The following STAM2 variants were observed in gnomAD, a reference collection of about 807,000 sequenced individuals.
STAM2 encodes signal transducing adaptor molecule 2.
A neutral mutation model predicts 65.6 loss-of-function variants in STAM2; 51 were observed. The observed-to-expected ratio is 0.78, with a 90% CI of 0.62 to 0.98. The LOEUF (loss-of-function observed/expected upper bound fraction) is 0.98, where lower values mean the gene tolerates loss of function less well. STAM2 is among the 50% of genes least tolerant of loss of function. The probability of loss-of-function intolerance (pLI) is 0.00; values close to 1 mark genes in which losing one functional copy is unlikely to be tolerated. For missense variants in STAM2, 584 were observed against 617.8 expected (o/e 0.95, Z 0.58); for synonymous variants, 198 against 208.4 (o/e 0.95, Z 0.43).
In STAM2 at chr2:152,165,075, T is replaced by C. The variant is rs137955843; in HGVS notation, c.40+10528A>G. ...AGCATACATGTTATAATTTCCATTG[T>C]AATAGGCCTATTAGGAAGCATAATG... is the stretch of plus-strand genomic sequence containing the variant. On this transcript the variant is annotated intron_variant, in intron 1 of 13. Coordinates refer to ENST00000263904, the MANE Select transcript of STAM2 (RefSeq NM_005843.6). Among the ~76,000 whole-genome samples the C allele has an allele frequency of 1.3e-4, 20 of 152,254 alleles. No homozygotes were observed. The South Asian group carries it at 2.7e-3, about 21-fold the overall frequency.
intron 7 of STAM2, among the ~76,000 whole-genome samples, chr2:152,143,098 C>A (rs769747320): frequency 1.6e-4 from 25 of 152,158 alleles, no homozygotes; most frequent in Non-Finnish European, 3.5e-4. Flanking sequence ...ACTGTGTCCT[C>A]ATTTGTTATT....
chr2:152,141,975 C>T (rs1689257347), intron 7 of STAM2, among the ~76,000 whole-genome samples: 1 of 152,150 alleles, frequency 6.6e-6, no homozygotes, highest in South Asian at 2.1e-4. Context: ...TTTTATGCTT[C>T]AAATTCCACA....
At position 152,147,172 on chromosome 2, in the gene STAM2, G is replaced by A; in HGVS notation, c.437C>T (p.Ala146Val). 6.2e-7 allele frequency: 1 copy of A among 1,607,264 alleles called. No homozygotes were observed. The highest frequency in any genetic ancestry group is 8.5e-7 in the Non-Finnish European group (1 of 1,177,848). ...GAATAAATCTCTCACCTGAGAACCT[G>A]CTGGAGGAAAAGTAATTCCTTCTTC... Reference protein sequence around the residue: ...MKEEGITFPPAGSQTVSAAAK... With the variant: ...MKEEGITFPPVGSQTVSAAAK... The change falls in exon 5 of 14, where the codon GCA (alanine) becomes GTA (valine). Residue 146 changes from alanine (A) to valine (V), a missense_variant. By Grantham distance (64) the Ala-to-Val change is moderately conservative. Transcript: ENST00000263904.
intron 1 of STAM2, among the ~76,000 whole-genome samples, chr2:152,171,162 G>A (rs1202261542): frequency 1.3e-5 from 2 of 152,136 alleles, no homozygotes; most frequent in Non-Finnish European, 2.9e-5. Flanking sequence ...GGAGAAAGGA[G>A]GAAGAATGGG....
chr2:152,145,030 T>C (rs1247715273), intron 5 of STAM2, 73 bp from the exon 6 acceptor site: 5 of 1,187,640 alleles, frequency 4.2e-6, no homozygotes, highest in African/African-American at 3.0e-5. Context: ...TACTTGCAGA[T>C]GGTAAATTTT....
At chr2:152,149,789 C>A (rs1419534592) in intron 2 of STAM2, among the ~76,000 whole-genome samples, 2 of 152,136 alleles carry the variant, frequency 1.3e-5, no homozygotes, top group Non-Finnish European at 2.9e-5. Context: ...TGAGCCACTG[C>A]GCCCAGCCAA....
intron 13 of STAM2, among the ~76,000 whole-genome samples, chr2:152,122,540 C>T (rs1285303380): frequency 6.6e-6 from 1 of 151,968 alleles, no homozygotes; most frequent in Non-Finnish European, 1.5e-5. Flanking sequence ...CCTAGTGTTA[C>T]CAAACATAGC....
chr2:152,172,568 T>TCAGAGAA (rs1229516953), intron 1 of STAM2, among the ~76,000 whole-genome samples: 2 of 152,036 alleles, frequency 1.3e-5, no homozygotes, highest in Non-Finnish European at 2.9e-5. Flanking sequence ...GAAAGTGCTA[T>TCAGAGAA]CAGAGAAGGG....
chr2:152,169,380 C>T (rs1434227807), intron 1 of STAM2, among the ~76,000 whole-genome samples: 1 of 152,098 alleles, frequency 6.6e-6, no homozygotes, highest in Non-Finnish European at 1.5e-5. Flanking sequence ...TAGCTCAAGC[C>T]ATCCTCCCAC....
intron 8 of STAM2, among the ~76,000 whole-genome samples, chr2:152,134,590 T>C (rs1398925042): frequency 4.6e-5 from 7 of 152,200 alleles, no homozygotes; most frequent in Non-Finnish European, 1.0e-4. Context: ...GGACTAGCAC[T>C]GATATATCCC....
intron 2 of STAM2, among the ~76,000 whole-genome samples, chr2:152,149,751 G>A (rs1275285418): frequency 2.0e-5 from 3 of 152,128 alleles, no homozygotes; most frequent in Non-Finnish European, 4.4e-5. Flanking sequence ...GCTCGCCTCG[G>A]CCTCTCAAAG....
In STAM2 at chr2:152,131,848, CACTAGAAGCAT is replaced by C. The variant is rs1428131377; in HGVS notation, c.1025+255_1025+265del. The C allele has an allele frequency of 1.5e-5, 6 of 413,028 alleles. No homozygotes were observed. In the East Asian group the frequency reaches 2.6e-4, roughly 18 times the overall value. 25.6% of individuals were successfully genotyped at this position (413,028 alleles called of 1,614,324 possible). On this transcript the variant is annotated intron_variant, in intron 11 of 13. Coordinates refer to ENST00000263904, the MANE Select transcript of STAM2 (RefSeq NM_005843.6). ...TCACTGATCCAGGCAGTTCTAATAT[CACTAGAAGCAT>C]GCTAGAACAGACTGGTTAAAAGTAA...
intron 11 of STAM2, among the ~76,000 whole-genome samples, chr2:152,130,297 G>A (rs906559354): frequency 3.3e-5 from 5 of 151,976 alleles, no homozygotes; most frequent in Non-Finnish European, 4.4e-5. Flanking sequence ...TTTTGCCCAG[G>A]CTGGAGTGCA....
chr2:152,135,597 G>A lies in STAM2; in HGVS notation c.711C>T (p.Ala237=), dbSNP rs1689139034. ...TGTGATTTTCTCCTTTCCACCAATTGGCATCACTAAAAATACAGTGCAAAA... is the reference window on the plus strand; with the variant it reads ...TGTGATTTTCTCCTTTCCACCAATTAGCATCACTAAAAATACAGTGCAAAA... The part of the protein sequence containing the change: ...EIIIVLDDSD[A]NWWKGENHRG... The change falls in exon 8 of 14, where the codon GCC becomes GCT. Residue 237 remains alanine (A), a synonymous_variant. Transcript: ENST00000263904. The A allele has an allele frequency of 6.2e-7, 1 of 1,607,168 alleles. No individual in the cohort carries two copies. Among genetic ancestry groups the A allele is most frequent in the Non-Finnish European group, 8.5e-7 (1 of 1,176,126 alleles).
intron 2 of STAM2, among the ~76,000 whole-genome samples, chr2:152,148,522 T>C (rs1306746613): frequency 6.6e-6 from 1 of 152,080 alleles, no homozygotes; most frequent in East Asian, 1.9e-4. Context: ...ACTTAAAAAT[T>C]AGCTGGGCAT....
chr2:152,136,173 T>G lies in STAM2; in HGVS notation c.705-570A>C, dbSNP rs550789671. ...TTTAAAAAAGTAAGGCCGGATGCAG[T>G]AGGTCATGCCTGTAATCCCAGCACT... On this transcript the variant is annotated intron_variant, in intron 7 of 13. Transcript: ENST00000263904. Among the ~76,000 whole-genome samples the G allele has an allele frequency of 2.6e-5, 4 of 151,952 alleles. No individual in the cohort carries two copies. The South Asian group carries it at 8.3e-4, about 32-fold the overall frequency.
chr2:152,144,871 T>A lies in STAM2; in HGVS notation c.517+17A>T. 6.2e-7 allele frequency: 1 copy of A among 1,609,956 alleles called. No homozygotes were observed. Among genetic ancestry groups the A allele is most frequent in the South Asian group, 1.1e-5 (1 of 90,966 alleles). On this transcript the variant is annotated intron_variant, in intron 6 of 13. Coordinates refer to ENST00000263904, the MANE Select transcript of STAM2 (RefSeq NM_005843.6). ...ATATTTTAAGCAACACTAAATTACA[T>A]GTGCTTGATCATTTACCTTTAGCTA... is the stretch of plus-strand genomic sequence containing the variant.
rs1413875340 is a variant in STAM2, at chr2:152,118,687, G to C, written c.*1887C>G. 1.4e-5 allele frequency: 2 copies of C among 147,710 alleles called. No individual in the cohort carries two copies. The highest frequency in any genetic ancestry group is 3.0e-5 in the Non-Finnish European group (2 of 66,956). 9.1% of individuals were successfully genotyped at this position (147,710 alleles called of 1,614,324 possible). On this transcript the variant is annotated 3_prime_UTR_variant, in exon 14 of 14. Coordinates refer to ENST00000263904, the MANE Select transcript of STAM2 (RefSeq NM_005843.6). ...ATATGCAAATGTTGACTATTATCGAGAGCAGCTTTGGATTTTTTTTAAATG... is the reference window on the plus strand; with the variant it reads ...ATATGCAAATGTTGACTATTATCGACAGCAGCTTTGGATTTTTTTTAAATG...
At chr2:152,149,488 A>G (rs1038613774) in intron 2 of STAM2, among the ~76,000 whole-genome samples, 4 of 147,634 alleles carry the variant, frequency 2.7e-5, no homozygotes, top group African/African-American at 1.0e-4. Flanking sequence ...CACTATTAAT[A>G]GTCTACTCTT....
Sources: gnomAD v4.1 joint callset for allele counts (sites outside exome capture counted in the v4.1 genomes callset) on GRCh38, gnomAD v4.1.1 for gene constraint, MANE v1.5 for transcripts, NCBI Gene and HGNC (gene_info 2026-07-23, HGNC 2026-07-21) for gene names.